Variants in HYCC2 observed in about 807,000 individuals in gnomAD.
The protein encoded by HYCC2 is hyccin PI4KA lipid kinase complex subunit 2.
chr2:201,069,244 T>TA, the HYCC2 span, among the ~76,000 whole-genome samples: 1 of 152,178 alleles, frequency 6.6e-6, no homozygotes, highest in Non-Finnish European at 1.5e-5. Flanking sequence ...AGGGCCGGGC[T>TA]AAAAAACACA....
At chr2:201,038,895 T>TA in the HYCC2 span, among the ~76,000 whole-genome samples, 15 of 149,042 alleles carry the variant, frequency 1.0e-4, no homozygotes, top group Admixed American at 6.7e-5. Context: ...AAAGTATAAT[T>TA]AAAAAAAAGA....
At chr2:201,048,621 C>A in the HYCC2 span, among the ~76,000 whole-genome samples, 1 of 151,472 alleles carries the variant, frequency 6.6e-6, no homozygotes, top group African/African-American at 2.4e-5. Flanking sequence ...GAGTAGATAC[C>A]CCGATGTAGA....
chr2:200,980,743 C>A, the HYCC2 span: 1 of 155,064 alleles, frequency 6.4e-6, no homozygotes, highest in Non-Finnish European at 1.4e-5. Context: ...TTTCCCCATG[C>A]TTCTCCAGAA....
chr2:201,022,802 T>C, the HYCC2 span: 1 of 1,361,240 alleles, frequency 7.3e-7, no homozygotes, highest in Non-Finnish European at 1.0e-6. Flanking sequence ...TTTCACTATG[T>C]AGAAATTATT....
the HYCC2 span, chr2:201,063,606 A>G: frequency 6.3e-7 from 1 of 1,580,314 alleles, no homozygotes; most frequent in Non-Finnish European, 8.6e-7. Flanking sequence ...GTGAATGGCC[A>G]CAACTGTGAA....
the HYCC2 span, among the ~76,000 whole-genome samples, chr2:201,055,886 C>A: frequency 1.5e-4 from 23 of 151,872 alleles, no homozygotes; most frequent in East Asian, 4.1e-3. Flanking sequence ...CATAGAAAGA[C>A]CCTATCTCTA....
At chr2:201,011,483 A>T in the HYCC2 span, 17 of 1,429,384 alleles carry the variant, frequency 1.2e-5, no homozygotes, top group Non-Finnish European at 1.6e-5. Context: ...CTATAGTCAA[A>T]AAATATACAA....
chr2:200,982,055 A>G, the HYCC2 span, among the ~76,000 whole-genome samples: 1 of 152,138 alleles, frequency 6.6e-6, no homozygotes, highest in Non-Finnish European at 1.5e-5. Context: ...CTATGCTAAT[A>G]GATGTTAGTT....
chr2:201,027,976 A>C, the HYCC2 span, among the ~76,000 whole-genome samples: 1 of 152,258 alleles, frequency 6.6e-6, no homozygotes, highest in East Asian at 1.9e-4. Context: ...CAATCAGGCA[A>C]GAGAAAGAAA....
the HYCC2 span, among the ~76,000 whole-genome samples, chr2:200,992,031 A>G: frequency 6.6e-6 from 1 of 152,140 alleles, no homozygotes; most frequent in Non-Finnish European, 1.5e-5. Context: ...AAATCTGAAT[A>G]TTTAGAACCT....
chr2:201,066,466 A>T, the HYCC2 span, among the ~76,000 whole-genome samples: 1 of 152,190 alleles, frequency 6.6e-6, no homozygotes, highest in Admixed American at 6.5e-5. Context: ...TTTCATTTAA[A>T]AAGTATAAAC....
chr2:201,032,982 ATG>A, the HYCC2 span, among the ~76,000 whole-genome samples: 1 of 152,134 alleles, frequency 6.6e-6, no homozygotes, highest in Admixed American at 6.5e-5. Flanking sequence ...TTTAGGAGAA[ATG>A]TATAAACAAG....
At chr2:201,022,613 C>T in the HYCC2 span, 1 of 370,700 alleles carries the variant, frequency 2.7e-6, no homozygotes, top group Non-Finnish European at 4.8e-6. Flanking sequence ...ACAATCAAAA[C>T]ATACTGCACA....
chr2:201,026,649 G>T, the HYCC2 span, among the ~76,000 whole-genome samples: 1 of 152,146 alleles, frequency 6.6e-6, no homozygotes, highest in African/African-American at 2.4e-5. Flanking sequence ...TAGAACTCAG[G>T]ATTAAGAAAC....
At chr2:200,973,935 G>A in the HYCC2 span, 1 of 151,954 alleles carries the variant, frequency 6.6e-6, no homozygotes, top group Non-Finnish European at 1.5e-5. Context: ...ATATTTACAA[G>A]GTCAACAGTG....
chr2:201,053,943 G>A, the HYCC2 span, among the ~76,000 whole-genome samples: 59 of 152,256 alleles, frequency 3.9e-4, no homozygotes, highest in Non-Finnish European at 3.8e-4. Flanking sequence ...GATCCTGGAT[G>A]ACAGAGCGAG....
At chr2:200,980,276 C>G in the HYCC2 span, 1 of 152,550 alleles carries the variant, frequency 6.6e-6, no homozygotes, top group Admixed American at 6.6e-5. Flanking sequence ...AAATCCCTCT[C>G]TTTACCTGAA....
the HYCC2 span, among the ~76,000 whole-genome samples, chr2:200,986,149 C>A: frequency 2.6e-5 from 4 of 152,134 alleles, no homozygotes; most frequent in Admixed American, 2.6e-4. Flanking sequence ...TCTTTCAGAG[C>A]CATTTAAAGG....
chr2:200,998,469 C>T, the HYCC2 span, among the ~76,000 whole-genome samples: 2 of 152,138 alleles, frequency 1.3e-5, no homozygotes, highest in African/African-American at 2.4e-5. Context: ...AGCATTTATC[C>T]CACTGAATTG....
Sources: allele counts gnomAD v4.1 joint callset (sites outside exome capture counted in the v4.1 genomes callset), GRCh38; gene constraint gnomAD v4.1.1; transcripts MANE v1.5; gene names NCBI Gene and HGNC (gene_info 2026-07-23, HGNC 2026-07-21).